Variants in TENM2 observed in about 807,000 individuals in gnomAD.
The protein encoded by TENM2 is teneurin-2.
In TENM2, 52 loss-of-function variants were observed where a neutral mutation model predicts 245.2. The observed-to-expected ratio is 0.21, with a 90% confidence interval of 0.17 to 0.27. The LOEUF is 0.27. Among genes scored for constraint, TENM2 ranks in the 10% least tolerant of loss-of-function variants. TENM2 has a pLI of 1.00. For synonymous variants in TENM2, 1,363 were observed against 1,438.9 expected (o/e 0.95, Z 1.19); for missense variants, 3,046 against 3,666.8 (o/e 0.83, Z 4.37).
At chr5:167,069,565 T>C in the TENM2 span, among the ~76,000 whole-genome samples, 1 of 152,164 alleles carries the variant, frequency 6.6e-6, no homozygotes, top group East Asian at 1.9e-4. Flanking sequence ...ATCTAGAAAG[T>C]ACATTTCCAA....
rs569060096 is a variant in TENM2 at position 168,175,049 on chromosome 5, C to T, written c.2569+12292C>T. Among the ~76,000 whole-genome samples the T allele has an allele frequency of 1.1e-4, 16 of 152,266 alleles. No homozygotes were observed. The South Asian group carries it at 2.7e-3, about 26-fold the overall frequency. On this transcript the variant is annotated intron_variant, in intron 13 of 28. Coordinates refer to ENST00000518659, the Ensembl canonical transcript of TENM2. ...GGGGTCCACAGACTTTGGAATCAGA[C>T]GGACCTAGCTGTACATTCTGACTCA...
chr5:167,752,820 T>C (rs1483487248), intron 2 of TENM2, among the ~76,000 whole-genome samples: 3 of 152,212 alleles, frequency 2.0e-5, no homozygotes, highest in African/African-American at 7.2e-5. Flanking sequence ...TAGATTTCCA[T>C]CCAGGAGAGC....
chr5:167,849,718 G>A (rs1233567599), intron 2 of TENM2, among the ~76,000 whole-genome samples: 1 of 152,142 alleles, frequency 6.6e-6, no homozygotes, highest in Non-Finnish European at 1.5e-5. Context: ...ATTTGCTAGA[G>A]GGATTCACAG....
chr5:167,816,643 A>G (rs570146380), intron 2 of TENM2, among the ~76,000 whole-genome samples: 1 of 152,280 alleles, frequency 6.6e-6, no homozygotes, highest in South Asian at 2.1e-4. Context: ...GTATTTAGAG[A>G]CATTCATCAT....
the TENM2 span, among the ~76,000 whole-genome samples, chr5:167,124,310 C>A: frequency 6.6e-6 from 1 of 152,216 alleles, no homozygotes; most frequent in East Asian, 1.9e-4. Flanking sequence ...GGTCCATCTT[C>A]CTAATATTAA....
chr5:167,042,074 A>C, the TENM2 span, among the ~76,000 whole-genome samples: 27 of 152,268 alleles, frequency 1.8e-4, no homozygotes, highest in South Asian at 5.4e-3. Context: ...ATTGGTTTGA[A>C]ATTTATTACC....
chr5:167,113,968 A>T, the TENM2 span, among the ~76,000 whole-genome samples: 6 of 152,140 alleles, frequency 3.9e-5, no homozygotes, highest in Admixed American at 1.3e-4. Context: ...CAAAGAGTAC[A>T]TTAGAGCAAG....
chr5:167,527,285 A>C (rs1771185687), intron 2 of TENM2, among the ~76,000 whole-genome samples: 1 of 152,146 alleles, frequency 6.6e-6, no homozygotes, highest in Non-Finnish European at 1.5e-5. Flanking sequence ...AGAACTAAAA[A>C]TTAAGAAAAG....
In TENM2 at chr5:167,377,057, A is replaced by G. The variant is rs373800042; in HGVS notation, c.502+1584A>G. ...TATTTATAGACCTGCACCTTCTCCC[A>G]TTTAAGTTATATGCATCTAAAAAAC... is the stretch of plus-strand genomic sequence containing the variant. On this transcript the variant is annotated intron_variant, in intron 2 of 28. Transcript: ENST00000518659. Among the ~76,000 whole-genome samples, 8 of 152,238 alleles carry G rather than the reference A, an allele frequency of 5.3e-5. No individual in the cohort carries two copies. The East Asian group carries it at 1.6e-3, about 30-fold the overall frequency.
At chr5:168,016,860 GA>G (rs1785702941) in intron 5 of TENM2, among the ~76,000 whole-genome samples, 1 of 152,176 alleles carries the variant, frequency 6.6e-6, no homozygotes, top group South Asian at 2.1e-4. Context: ...CCATCTCCAA[GA>G]GTCATTGCAA....
At chr5:167,923,138 A>G (rs1203138181) in intron 3 of TENM2, among the ~76,000 whole-genome samples, 1 of 152,196 alleles carries the variant, frequency 6.6e-6, no homozygotes, top group Non-Finnish European at 1.5e-5. Flanking sequence ...AGCCTGGCCA[A>G]CATGGCAAAA....
intron 13 of TENM2, among the ~76,000 whole-genome samples, chr5:168,177,296 TACA>T (rs1759447906): frequency 6.6e-6 from 1 of 152,244 alleles, no homozygotes; most frequent in South Asian, 2.1e-4. Flanking sequence ...ATGGTTACTA[TACA>T]ACAAGTCCTT....
intron 2 of TENM2, among the ~76,000 whole-genome samples, chr5:167,388,747 C>T (rs1422825018): frequency 1.3e-5 from 2 of 152,034 alleles, no homozygotes; most frequent in African/African-American, 4.8e-5. Flanking sequence ...ATCGCGATTT[C>T]ATTTTTGACC....
the TENM2 span, among the ~76,000 whole-genome samples, chr5:167,016,281 CAAA>C: frequency 1.3e-4 from 10 of 78,858 alleles, no homozygotes; most frequent in East Asian, 3.8e-4. Flanking sequence ...AACAAACAAA[CAAA>C]AAAAAAAAAA....
chr5:167,586,195 A>G (rs1231884134), intron 2 of TENM2, among the ~76,000 whole-genome samples: 2 of 152,208 alleles, frequency 1.3e-5, no homozygotes, highest in African/African-American at 2.4e-5. Flanking sequence ...TATAACAACT[A>G]TTTACATAGC....
chr5:167,120,373 A>G, the TENM2 span, among the ~76,000 whole-genome samples: 1 of 152,220 alleles, frequency 6.6e-6, no homozygotes, highest in Admixed American at 6.5e-5. Context: ...GCTGGAAACA[A>G]TGAGGAGGCT....
intron 17 of TENM2, among the ~76,000 whole-genome samples, chr5:168,201,847 C>T (rs2152534282): frequency 7.1e-6 from 1 of 141,842 alleles, no homozygotes; most frequent in East Asian, 2.3e-4. Context: ...TCCCATATAG[C>T]GTGGTTGGTT....
intron 2 of TENM2, among the ~76,000 whole-genome samples, chr5:167,678,976 G>A (rs1481728070): frequency 1.3e-5 from 2 of 152,042 alleles, no homozygotes; most frequent in East Asian, 1.9e-4. Context: ...TCGCCATGAT[G>A]ACTGTAGTCA....
the TENM2 span, among the ~76,000 whole-genome samples, chr5:167,144,348 CT>C: frequency 6.6e-6 from 1 of 152,166 alleles, no homozygotes; most frequent in African/African-American, 2.4e-5. Flanking sequence ...GGTGCACACT[CT>C]AGCTGTTATA....
Sources: gnomAD v4.1 joint callset for allele counts (sites outside exome capture counted in the v4.1 genomes callset) on GRCh38, gnomAD v4.1.1 for gene constraint, MANE v1.5 for transcripts, NCBI Gene and HGNC (gene_info 2026-07-23, HGNC 2026-07-21) for gene names.